FAAH2: variants seen among roughly 807,000 people sequenced by gnomAD.
The protein encoded by FAAH2 is fatty-acid amide hydrolase 2.
FAAH2 carries 60 observed loss-of-function variants against 36.9 expected under a neutral mutation model. The ratio of observed to expected loss-of-function variants is 1.63; its 90% CI spans 1.32 to 2.02. FAAH2 has a LOEUF of 2.02. Ranked by LOEUF, FAAH2 falls within the 30% of genes most tolerant of loss-of-function variation. The pLI is 0.00. For missense variants in FAAH2, 689 were observed against 397.5 expected (o/e 1.73, Z -6.23); for synonymous variants, 214 against 143.8 (o/e 1.49, Z -3.49).
chrX:57,260,759 G>GTA, the FAAH2 span, among the ~76,000 whole-genome samples: 1 of 109,757 alleles, frequency 9.1e-6, no homozygotes, highest in Non-Finnish European at 1.9e-5. Context: ...GTGTGTGTGT[G>GTA]TATATATATA....
At chrX:57,183,115 G>A in the FAAH2 span, among the ~76,000 whole-genome samples, 1 of 110,855 alleles carries the variant, frequency 9.0e-6, no homozygotes, top group Non-Finnish European at 1.9e-5. Flanking sequence ...TGAGTTACAA[G>A]GCTTCGTACC....
chrX:57,199,521 A>T, the FAAH2 span, among the ~76,000 whole-genome samples: 6 of 111,416 alleles, frequency 5.4e-5, 1 homozygote, highest in Non-Finnish European at 9.4e-5. Flanking sequence ...CTTGAGAAAG[A>T]CTCACATGCT....
chrX:57,174,267 T>C, the FAAH2 span, among the ~76,000 whole-genome samples: 1 of 109,912 alleles, frequency 9.1e-6, no homozygotes, highest in Non-Finnish European at 1.9e-5. Flanking sequence ...TCAGTCTCAC[T>C]GATTATTATT....
Position 57,488,898 on chromosome X carries a change from C to T in FAAH2, c.1565C>T (p.Thr522Ile), listed in dbSNP as rs1002925341. The stretch of plus-strand genomic sequence containing the variant: ...GCTGTGGCCCAGTACTTGGAGAAAA[C>T]TTTTGGGGGCTGGGTCTGTCCAGGA... ...TLAVAQYLEK[T>I]FGGWVCPGKF The change falls in exon 11 of 11, where the codon ACT becomes ATT. Residue 522 changes from threonine (T) to isoleucine (I), a missense_variant. Coordinates refer to ENST00000374900, the MANE Select transcript of FAAH2 (RefSeq NM_174912.4). 2 of 1,210,447 alleles carry T rather than the reference C, an allele frequency of 1.7e-6. No individual in the cohort carries two copies. Among genetic ancestry groups the T allele is most frequent in the African/African-American group, 3.5e-5 (2 of 57,507 alleles).
intron 7 of FAAH2, among the ~76,000 whole-genome samples, chrX:57,385,772 G>T (rs746262841): frequency 1.8e-5 from 2 of 111,019 alleles, no homozygotes; most frequent in Admixed American, 1.9e-4. Flanking sequence ...GCCGGGCGCG[G>T]TGGCGGGCGC....
intron 5 of FAAH2, among the ~76,000 whole-genome samples, chrX:57,375,943 C>CTA (rs1168737535): frequency 9.0e-6 from 1 of 111,300 alleles, no homozygotes; most frequent in African/African-American, 3.3e-5. Context: ...TACTATTTTT[C>CTA]TATATATATA....
At chrX:57,334,137 G>A (rs2053480734) in intron 4 of FAAH2, among the ~76,000 whole-genome samples, 1 of 110,123 alleles carries the variant, frequency 9.1e-6, no homozygotes, top group South Asian at 3.9e-4. Flanking sequence ...AGGCCTGGCA[G>A]CAGGTGCCTG....
intron 4 of FAAH2, among the ~76,000 whole-genome samples, chrX:57,332,296 G>T (rs754599147): frequency 3.5e-4 from 39 of 112,048 alleles, no homozygotes; most frequent in African/African-American, 1.2e-3. Flanking sequence ...CCATATGAAA[G>T]AAATCAGACT....
the FAAH2 span, among the ~76,000 whole-genome samples, chrX:57,157,687 A>T: frequency 1.8e-5 from 2 of 111,555 alleles, no homozygotes; most frequent in Middle Eastern, 4.2e-3. Flanking sequence ...GTGATCAATC[A>T]CCTGACGTTT....
chrX:57,323,191 C>A (rs143666062), intron 3 of FAAH2, among the ~76,000 whole-genome samples: 1,318 of 111,625 alleles, frequency 0.012, 10 homozygotes, highest in African/African-American at 0.041. Context: ...ACATACTATT[C>A]CATGGTGTAT....
At chrX:57,263,897 T>G in the FAAH2 span, among the ~76,000 whole-genome samples, 3 of 111,722 alleles carry the variant, frequency 2.7e-5, no homozygotes, top group Non-Finnish European at 5.7e-5. Context: ...CACATATAGA[T>G]ATGCCAAATT....
chrX:57,235,840 GT>G, the FAAH2 span, among the ~76,000 whole-genome samples: 1 of 111,142 alleles, frequency 9.0e-6, no homozygotes, highest in African/African-American at 3.3e-5. Flanking sequence ...GTCATTTTTT[GT>G]GAAGATAACT....
At chrX:57,428,875 A>G (rs979523949) in intron 7 of FAAH2, among the ~76,000 whole-genome samples, 9 of 112,469 alleles carry the variant, frequency 8.0e-5, no homozygotes, top group Non-Finnish European at 1.5e-4. Flanking sequence ...AATACCAAAA[A>G]TAGACAAATG....
At chrX:57,300,813 C>T (rs1285701864) in intron 2 of FAAH2, among the ~76,000 whole-genome samples, 1 of 112,047 alleles carries the variant, frequency 8.9e-6, no homozygotes, top group Non-Finnish European at 1.9e-5. Flanking sequence ...TGTGAACAGA[C>T]ACTTCTCAAA....
intron 7 of FAAH2, among the ~76,000 whole-genome samples, chrX:57,383,264 A>G (rs912199485): frequency 1.6e-4 from 18 of 112,220 alleles, no homozygotes; most frequent in African/African-American, 4.9e-4. Flanking sequence ...GAAAACTGGC[A>G]CAAGACAGCG....
chrX:57,310,936 G>A (rs1190031076), intron 3 of FAAH2, among the ~76,000 whole-genome samples: 1 of 111,799 alleles, frequency 8.9e-6, no homozygotes, highest in Non-Finnish European at 1.9e-5. Flanking sequence ...GCATATGGGG[G>A]CACTATGCTC....
the FAAH2 span, among the ~76,000 whole-genome samples, chrX:57,244,569 A>G: frequency 8.9e-6 from 1 of 111,806 alleles, no homozygotes; most frequent in Admixed American, 9.5e-5. Context: ...GAGTGGGGCC[A>G]ATATTCAACA....
chrX:57,391,299 G>T (rs1048141801), intron 7 of FAAH2, among the ~76,000 whole-genome samples: 1 of 110,812 alleles, frequency 9.0e-6, no homozygotes, highest in Non-Finnish European at 1.9e-5. Context: ...TATTTCCTTT[G>T]CTGTACAGAA....
the FAAH2 span, among the ~76,000 whole-genome samples, chrX:57,167,329 A>G: frequency 2.8e-4 from 31 of 111,622 alleles, no homozygotes; most frequent in African/African-American, 9.8e-4. Flanking sequence ...GACCTTCGCA[A>G]TGAATCTTGA....
Sources: allele counts gnomAD v4.1 joint callset (sites outside exome capture counted in the v4.1 genomes callset), GRCh38; gene constraint gnomAD v4.1.1; transcripts MANE v1.5; gene names NCBI Gene and HGNC (gene_info 2026-07-23, HGNC 2026-07-21).